Variants in OSBPL8 observed in about 807,000 individuals in gnomAD.
The protein encoded by OSBPL8 is oxysterol binding protein like 8.
In OSBPL8, 59 loss-of-function variants were observed where a neutral mutation model predicts 125.5. The observed-to-expected ratio is 0.47, with a 90% confidence interval of 0.38 to 0.58. OSBPL8 has a LOEUF of 0.58. OSBPL8 is among the 20% of genes least tolerant of loss of function. The pLI, the probability that OSBPL8 is intolerant of heterozygous loss-of-function variation, is 0.00. For missense variants in OSBPL8, 758 were observed against 1,047.8 expected (o/e 0.72, Z 3.82); for synonymous variants, 330 against 338.9 (o/e 0.97, Z 0.29).
rs1951869151 is a variant in OSBPL8 at position 76,352,792 on chromosome 12, A to G, written c.*3097T>C. 6.6e-6 allele frequency: 1 copy of G among 152,520 alleles called. No homozygotes were observed. The highest frequency in any genetic ancestry group is 1.5e-5 in the Non-Finnish European group (1 of 67,934). 9.4% of individuals were successfully genotyped at this position (152,520 alleles called of 1,614,324 possible). ...TTAAATTTTGACAGATATTCTTCAG[A>G]AAGTTAAAACTGCCTTCCACAAAAT... On this transcript the variant is annotated 3_prime_UTR_variant, in exon 24 of 24. Coordinates refer to ENST00000261183, the MANE Select transcript of OSBPL8 (RefSeq NM_020841.5).
intron 5 of OSBPL8, among the ~76,000 whole-genome samples, chr12:76,409,020 C>T (rs1017987562): frequency 1.3e-5 from 2 of 151,926 alleles, no homozygotes; most frequent in Non-Finnish European, 2.9e-5. Context: ...CTATAAATCT[C>T]ATTGTATTTC....
At chr12:76,397,550 G>A in intron 8 of OSBPL8, 144 bp downstream of exon 8, 1 of 815,974 alleles carries the variant, frequency 1.2e-6, no homozygotes, top group Non-Finnish European at 1.9e-6. Flanking sequence ...TGTGGGTAGA[G>A]GCAGAATGGG....
At chr12:76,382,053 A>G (rs1329296906) in intron 15 of OSBPL8, among the ~76,000 whole-genome samples, 1 of 151,980 alleles carries the variant, frequency 6.6e-6, no homozygotes, top group African/African-American at 2.4e-5. Flanking sequence ...ATTTACTTTC[A>G]GCCTATTTGT....
chr12:76,352,882 C>T lies in OSBPL8; in HGVS notation c.*3007G>A, dbSNP rs933137897. 3.3e-4 allele frequency: 51 copies of T among 152,522 alleles called. No individual in the cohort carries two copies. The highest frequency in any genetic ancestry group is 1.2e-3 in the African/African-American group (50 of 41,532). 9.4% of individuals were successfully genotyped at this position (152,522 alleles called of 1,614,324 possible). ...GATTCCATCGAAAAGGCACTGTTAA[C>T]AATACTCAGAATAATCTGACAAGTC... On this transcript the variant is annotated 3_prime_UTR_variant, in exon 24 of 24. Transcript: ENST00000261183.
At chr12:76,392,793 C>G in intron 9 of OSBPL8, 41 bp from the exon 10 acceptor site, 1 of 1,530,096 alleles carries the variant, frequency 6.5e-7, no homozygotes, top group Admixed American at 1.8e-5. Context: ...ATTTTTAAAA[C>G]TATGAAACTA....
At chr12:76,463,312 T>A (rs529716777) in intron 2 of OSBPL8, among the ~76,000 whole-genome samples, 1 of 152,240 alleles carries the variant, frequency 6.6e-6, no homozygotes, top group East Asian at 1.9e-4. Context: ...GTGTTGGGGT[T>A]TGAGCACCTG....
chr12:76,539,017 T>C (rs1950568646), intron 1 of OSBPL8, among the ~76,000 whole-genome samples: 1 of 116,350 alleles, frequency 8.6e-6, no homozygotes, highest in Non-Finnish European at 1.6e-5. Flanking sequence ...AAAAAAGGAA[T>C]GAGAAGTCCT....
At chr12:76,505,480 T>G (rs1458633495) in intron 1 of OSBPL8, among the ~76,000 whole-genome samples, 1 of 152,150 alleles carries the variant, frequency 6.6e-6, no homozygotes. Context: ...CCTGATAATT[T>G]TTTAAAATTA....
At chr12:76,538,263 GAAT>G (rs1374537670) in intron 1 of OSBPL8, among the ~76,000 whole-genome samples, 1 of 152,106 alleles carries the variant, frequency 6.6e-6, no homozygotes, top group Non-Finnish European at 1.5e-5. Context: ...TCAGAATCAT[GAAT>G]AATTTTTCTT....
chr12:76,476,443 T>C (rs150535549), intron 2 of OSBPL8, among the ~76,000 whole-genome samples: 1 of 152,066 alleles, frequency 6.6e-6, no homozygotes, highest in African/African-American at 2.4e-5. Context: ...AACTGAAGCA[T>C]GAACAAGCAA....
At chr12:76,516,167 T>C (rs11611806) in intron 1 of OSBPL8, among the ~76,000 whole-genome samples, 26,658 of 152,114 alleles carry the variant, frequency 0.18, 2,502 homozygotes, top group Middle Eastern at 0.24. Context: ...TATTGATTAT[T>C]TTGAGCTAAA....
chr12:76,462,265 ACTC>A (rs1874831312), intron 2 of OSBPL8, among the ~76,000 whole-genome samples: 1 of 152,050 alleles, frequency 6.6e-6, no homozygotes, highest in Non-Finnish European at 1.5e-5. Context: ...ATACAGCTGT[ACTC>A]CTTACTTTTT....
chr12:76,494,224 T>C (rs1879028225), intron 1 of OSBPL8, among the ~76,000 whole-genome samples: 1 of 152,200 alleles, frequency 6.6e-6, no homozygotes, highest in Non-Finnish European at 1.5e-5. Context: ...ATGTTTCTTA[T>C]TGCATTATGT....
chr12:76,376,280 T>G (rs1952815934), intron 16 of OSBPL8, among the ~76,000 whole-genome samples: 1 of 152,262 alleles, frequency 6.6e-6, no homozygotes, highest in Non-Finnish European at 1.5e-5. Context: ...AGGTTGTGTG[T>G]GTATCTGCTG....
At chr12:76,482,396 T>C (rs979144906) in intron 2 of OSBPL8, among the ~76,000 whole-genome samples, 3 of 152,050 alleles carry the variant, frequency 2.0e-5, no homozygotes, top group Admixed American at 6.5e-5. Context: ...GGCGGATCAC[T>C]TGAGGTCGGG....
chr12:76,443,289 C>A (rs1872399024), intron 4 of OSBPL8, among the ~76,000 whole-genome samples: 1 of 151,800 alleles, frequency 6.6e-6, no homozygotes, highest in African/African-American at 2.4e-5. Context: ...TACAAAATAG[C>A]TTTTTACAAC....
chr12:76,546,925 T>A lies in OSBPL8; in HGVS notation c.-68+12472A>T, dbSNP rs148142080. ...GGGGCCAATTATTTTCTAAGCTACT[T>A]TAAATTTCAAACAAGTACAGTATTT... On this transcript the variant is annotated intron_variant, in intron 1 of 23. Coordinates refer to ENST00000261183, the MANE Select transcript of OSBPL8 (RefSeq NM_020841.5). Among the ~76,000 whole-genome samples the A allele has an allele frequency of 1.7e-3, 259 of 152,324 alleles. 1 individual carries two copies. The highest frequency in any genetic ancestry group is 6.1e-3 in the African/African-American group (253 of 41,576).
chr12:76,369,283 T>C lies in OSBPL8; in HGVS notation c.2259A>G (p.Pro753=). 2 of 1,608,266 alleles carry C rather than the reference T, an allele frequency of 1.2e-6. No individual in the cohort carries two copies. The highest frequency in any genetic ancestry group is 1.7e-6 in the Non-Finnish European group (2 of 1,178,346). Residue 753 remains proline (P), a synonymous_variant, in exon 21 of 24, where the codon CCA becomes CCG. Coordinates refer to ENST00000261183, the MANE Select transcript of OSBPL8 (RefSeq NM_020841.5). ...TTTCAAACTGTATCATATCATTAAGTGGGTCCCATGGTCGGGTACTACATA... is the reference window on the plus strand; with the variant it reads ...TTTCAAACTGTATCATATCATTAAGCGGGTCCCATGGTCGGGTACTACATA... The part of the protein sequence containing the change: ...YKFADTRPWD[P]LNDMIQFEKD...
chr12:76,539,183 T>C (rs1397678249), intron 1 of OSBPL8, among the ~76,000 whole-genome samples: 1 of 152,048 alleles, frequency 6.6e-6, no homozygotes, highest in Non-Finnish European at 1.5e-5. Context: ...ATCAACTTTT[T>C]TAAAAGTAAA....
Sources: gnomAD v4.1 joint callset for allele counts (sites outside exome capture counted in the v4.1 genomes callset) on GRCh38, gnomAD v4.1.1 for gene constraint, MANE v1.5 for transcripts, NCBI Gene and HGNC (gene_info 2026-07-23, HGNC 2026-07-21) for gene names.